UGGT2: variants seen among roughly 807,000 people sequenced by gnomAD.
UGGT2 encodes UDP-glucose:glycoprotein glucosyltransferase 2.
In UGGT2, 180 loss-of-function variants were observed where a neutral mutation model predicts 192.1. That is an observed-to-expected ratio of 0.94 (90% CI 0.83 to 1.06). The LOEUF (loss-of-function observed/expected upper bound fraction) is 1.06. Among genes scored for constraint, UGGT2 ranks in the 50% least tolerant of loss-of-function variants. The probability of loss-of-function intolerance (pLI) is 0.00; values close to 1 mark genes in which losing one functional copy is unlikely to be tolerated. For missense variants in UGGT2, 1,849 were observed against 1,795.7 expected (o/e 1.03, Z -0.54); for synonymous variants, 580 against 591.0 (o/e 0.98, Z 0.27).
rs188686684 is a variant in UGGT2 at position 95,837,466 on chromosome 13, A to T, written c.4285-264T>A. On this transcript the variant is annotated intron_variant, in intron 36 of 38. Coordinates refer to ENST00000376747, the MANE Select transcript of UGGT2 (RefSeq NM_020121.4). ...GATGAAGAAGGAGGCATAGAAACCTACCATTCAATAGTCCCCACAATGGAC... is the reference window on the plus strand; with the variant it reads ...GATGAAGAAGGAGGCATAGAAACCTTCCATTCAATAGTCCCCACAATGGAC... Among the ~76,000 whole-genome samples, 16 of 152,266 alleles carry T rather than the reference A, an allele frequency of 1.1e-4. No homozygotes were observed. In the East Asian group the frequency reaches 2.9e-3, roughly 28 times the overall value.
At chr13:95,846,587 T>A (rs1011764149) in intron 36 of UGGT2, among the ~76,000 whole-genome samples, 2 of 152,238 alleles carry the variant, frequency 1.3e-5, no homozygotes, top group Admixed American at 1.3e-4. Flanking sequence ...TGCTGCCTCA[T>A]AGAATGAGTT....
At chr13:95,818,884 T>C (rs554134337) in intron 38 of UGGT2, among the ~76,000 whole-genome samples, 18 of 152,242 alleles carry the variant, frequency 1.2e-4, no homozygotes, top group African/African-American at 3.6e-4. Context: ...TGCGGACACA[T>C]GGAAGAGTTA....
intron 38 of UGGT2, among the ~76,000 whole-genome samples, chr13:95,811,125 G>T (rs1004730599): frequency 3.9e-5 from 6 of 152,122 alleles, no homozygotes; most frequent in African/African-American, 1.4e-4. Context: ...GATGTAGGGA[G>T]ATTAGAATCC....
intron 38 of UGGT2, among the ~76,000 whole-genome samples, chr13:95,814,651 G>T (rs1884733452): frequency 6.6e-6 from 1 of 152,136 alleles, no homozygotes; most frequent in Non-Finnish European, 1.5e-5. Context: ...GTCTCCTAAA[G>T]TCTTAACTCA....
Position 96,013,494 on chromosome 13 carries a change from C to A in UGGT2, c.486-13G>T, listed in dbSNP as rs775513328. 7 of 1,482,054 alleles carry A rather than the reference C, an allele frequency of 4.7e-6. No individual in the cohort carries two copies. In the South Asian group the frequency reaches 1.0e-4, roughly 22 times the overall value. 91.8% of individuals were successfully genotyped at this position (1,482,054 alleles called of 1,614,324 possible). On this transcript the variant is annotated splice_polypyrimidine_tract_variant and intron_variant, in intron 4 of 38. Coordinates refer to ENST00000376747, the MANE Select transcript of UGGT2 (RefSeq NM_020121.4). ...ATAAGGTCTAGTCCTAAGATAAAAG[C>A]AAAACACAAAGTTTTGAAAAAACTG...
intron 4 of UGGT2, among the ~76,000 whole-genome samples, chr13:96,015,285 A>T (rs1194684947): frequency 6.6e-6 from 1 of 151,926 alleles, no homozygotes. Flanking sequence ...CTCAAAAAAA[A>T]AAAAAAAGAA....
intron 15 of UGGT2, among the ~76,000 whole-genome samples, chr13:95,942,850 T>C (rs2049737254): frequency 6.6e-6 from 1 of 152,190 alleles, no homozygotes; most frequent in African/African-American, 2.4e-5. Flanking sequence ...TTTTAAGTTT[T>C]ATCTAGGAAA....
At chr13:95,870,821 G>A (rs1891153473) in intron 29 of UGGT2, among the ~76,000 whole-genome samples, 1 of 152,238 alleles carries the variant, frequency 6.6e-6, no homozygotes, top group South Asian at 2.1e-4. Flanking sequence ...TAAGAGGTGG[G>A]ACCCTTAATA....
chr13:95,837,223 A>C lies in UGGT2; in HGVS notation c.4285-21T>G, dbSNP rs375572948. On this transcript the variant is annotated intron_variant, in intron 36 of 38. Coordinates refer to ENST00000376747, the MANE Select transcript of UGGT2 (RefSeq NM_020121.4). ...AGATCCTACAGAAAATTGTGATTTA[A>C]TCATAGACGTATGAAATTTAGAGTC... The C allele has an allele frequency of 2.1e-5, 32 of 1,535,452 alleles. No homozygotes were observed. The African/African-American group carries it at 4.4e-4, about 21-fold the overall frequency.
intron 12 of UGGT2, among the ~76,000 whole-genome samples, chr13:95,949,758 G>T (rs1390863200): frequency 6.6e-6 from 1 of 152,146 alleles, no homozygotes; most frequent in Non-Finnish European, 1.5e-5. Flanking sequence ...TAAGAGAGAT[G>T]AATATTTATT....
At chr13:96,024,709 G>C (rs973059016) in intron 2 of UGGT2, among the ~76,000 whole-genome samples, 2 of 152,214 alleles carry the variant, frequency 1.3e-5, no homozygotes, top group Non-Finnish European at 2.9e-5. Flanking sequence ...GGGTTATCAA[G>C]TGATGGAAAT....
At chr13:95,930,220 G>A (rs2049200135) in intron 17 of UGGT2, among the ~76,000 whole-genome samples, 1 of 152,032 alleles carries the variant, frequency 6.6e-6, no homozygotes, top group Non-Finnish European at 1.5e-5. Context: ...TATTCTGTAG[G>A]CTGTCTGTTT....
At chr13:96,006,589 A>T (rs2139041019) in intron 5 of UGGT2, among the ~76,000 whole-genome samples, 1 of 142,554 alleles carries the variant, frequency 7.0e-6, no homozygotes, top group South Asian at 2.2e-4. Context: ...GCACCACTGC[A>T]CTCAAGACTG....
intron 38 of UGGT2, among the ~76,000 whole-genome samples, chr13:95,832,025 CT>C (rs34289402): frequency 0.086 from 12,261 of 142,058 alleles, 552 homozygotes; most frequent in East Asian, 0.15. Context: ...ACCAAGAAAA[CT>C]TTTTTTTTTT....
chr13:95,835,066 T>A (rs1887142980), intron 37 of UGGT2, among the ~76,000 whole-genome samples: 1 of 152,182 alleles, frequency 6.6e-6, no homozygotes, highest in Admixed American at 6.5e-5. Context: ...AATACAAAAA[T>A]TAGTAATGAG....
At chr13:95,989,653 G>T in intron 8 of UGGT2, 1 of 301,136 alleles carries the variant, frequency 3.3e-6, no homozygotes, top group Non-Finnish European at 6.9e-6. Flanking sequence ...CCTTACCTAG[G>T]AGTTAGGACT....
At chr13:95,869,702 C>T (rs1891054941) in intron 29 of UGGT2, among the ~76,000 whole-genome samples, 1 of 152,168 alleles carries the variant, frequency 6.6e-6, no homozygotes, top group Non-Finnish European at 1.5e-5. Context: ...CACCTGAAAC[C>T]TCTGGATACA....
intron 38 of UGGT2, among the ~76,000 whole-genome samples, chr13:95,811,481 G>A (rs1174346293): frequency 1.3e-5 from 2 of 152,114 alleles, no homozygotes; most frequent in African/African-American, 4.8e-5. Flanking sequence ...ATTAGGGCGT[G>A]AGCTAAAGAG....
intron 5 of UGGT2, among the ~76,000 whole-genome samples, 186 bp downstream of exon 5, chr13:96,013,121 G>C (rs1439481398): frequency 6.6e-6 from 1 of 151,864 alleles, no homozygotes; most frequent in African/African-American, 2.4e-5. Flanking sequence ...AAGAATTATA[G>C]ACATCATACC....
Sources: allele counts gnomAD v4.1 joint callset (sites outside exome capture counted in the v4.1 genomes callset), GRCh38; gene constraint gnomAD v4.1.1; transcripts MANE v1.5; gene names NCBI Gene and HGNC (gene_info 2026-07-23, HGNC 2026-07-21).